The following CLIC4 variants were observed in gnomAD, a reference collection of about 807,000 sequenced individuals.
CLIC4 encodes chloride intracellular channel protein 4.
A neutral mutation model predicts 24.6 loss-of-function variants in CLIC4; 13 were observed. The ratio of observed to expected loss-of-function variants is 0.53; its 90% CI spans 0.34 to 0.84. CLIC4 has a LOEUF of 0.84. Among genes scored for constraint, CLIC4 ranks in the 40% least tolerant of loss-of-function variants. The probability of loss-of-function intolerance (pLI) is 0.01; values close to 1 mark genes in which losing one functional copy is unlikely to be tolerated. For synonymous variants in CLIC4, 104 were observed against 111.3 expected (o/e 0.93, Z 0.41); for missense variants, 227 against 301.7 (o/e 0.75, Z 1.83).
intron 3 of CLIC4, among the ~76,000 whole-genome samples, chr1:24,823,916 A>C (rs1282782262): frequency 1.3e-5 from 2 of 152,212 alleles, no homozygotes; most frequent in African/African-American, 4.8e-5. Flanking sequence ...CTAAAATGTT[A>C]AGAGTCTGTG....
At chr1:24,757,024 T>G (rs775946340) in intron 1 of CLIC4, among the ~76,000 whole-genome samples, 5 of 152,140 alleles carry the variant, frequency 3.3e-5, no homozygotes, top group African/African-American at 4.8e-5. Context: ...GCCTCCCAAG[T>G]AGCTGAGATT....
intron 1 of CLIC4, among the ~76,000 whole-genome samples, chr1:24,755,515 C>T (rs982970797): frequency 4.0e-5 from 6 of 150,196 alleles, no homozygotes; most frequent in East Asian, 3.9e-4. Context: ...AGGCTGAGGC[C>T]GGAGGATCAC....
intron 1 of CLIC4, among the ~76,000 whole-genome samples, chr1:24,780,267 GC>G (rs1384920585): frequency 2.0e-5 from 3 of 152,210 alleles, no homozygotes; most frequent in Admixed American, 2.0e-4. Context: ...TCACACTCAT[GC>G]TTAAGTAGAA....
intron 1 of CLIC4, among the ~76,000 whole-genome samples, chr1:24,768,219 C>T (rs1373034028): frequency 6.6e-6 from 1 of 152,102 alleles, no homozygotes; most frequent in African/African-American, 2.4e-5. Flanking sequence ...TCAAGTAATC[C>T]CCTTGTGGTG....
chr1:24,830,608 A>G (rs1639830596), intron 4 of CLIC4, among the ~76,000 whole-genome samples: 1 of 152,218 alleles, frequency 6.6e-6, no homozygotes, highest in South Asian at 2.1e-4. Flanking sequence ...TCCCACAAAC[A>G]TGAAAGTATT....
chr1:24,839,679 A>G (rs2124179293), intron 4 of CLIC4, among the ~76,000 whole-genome samples, 181 bp from the exon 5 acceptor site: 1 of 152,318 alleles, frequency 6.6e-6, no homozygotes, highest in Non-Finnish European at 1.5e-5. Flanking sequence ...AACTTGTTTC[A>G]TCCCCTGCCC....
intron 1 of CLIC4, among the ~76,000 whole-genome samples, chr1:24,747,257 C>T (rs990702131): frequency 1.3e-5 from 2 of 150,556 alleles, no homozygotes; most frequent in Non-Finnish European, 1.5e-5. Flanking sequence ...GGAAGGAGGC[C>T]GGGCGCGGTG....
In CLIC4 at chr1:24,838,762, TA is replaced by T. The variant is rs534118708; in HGVS notation, c.416-1097del. On this transcript the variant is annotated intron_variant, in intron 4 of 5. Transcript: ENST00000374379. Reference sequence around the variant, plus strand: ...TATTCCATATTTTTAATGACATTCCTACCCCCTTTCTGCTGAGGGCCACTAA... The same window carrying T: ...TATTCCATATTTTTAATGACATTCCTCCCCCTTTCTGCTGAGGGCCACTAA... Among the ~76,000 whole-genome samples the T allele has an allele frequency of 2.6e-5, 4 of 152,304 alleles. No individual in the cohort carries two copies. The East Asian group carries it at 7.7e-4, about 29-fold the overall frequency.
chr1:24,808,660 T>G (rs894899614), intron 2 of CLIC4, among the ~76,000 whole-genome samples: 6 of 145,596 alleles, frequency 4.1e-5, no homozygotes, highest in Non-Finnish European at 7.5e-5. Context: ...ATGGGAGATC[T>G]ATCTATCTAT....
intron 1 of CLIC4, among the ~76,000 whole-genome samples, chr1:24,766,473 G>GTTTTTTTTTTTTTT (rs71032855): frequency 1.6e-5 from 1 of 62,078 alleles, no homozygotes; most frequent in Non-Finnish European, 3.1e-5. Flanking sequence ...TGCCCAGACG[G>GTTTTTTTTTTTTTT]TTTTTTTTTT....
chr1:24,773,130 G>A (rs1557798826), intron 1 of CLIC4, among the ~76,000 whole-genome samples: 1 of 152,184 alleles, frequency 6.6e-6, no homozygotes, highest in Admixed American at 6.5e-5. Context: ...TACTTAAACT[G>A]TAATCTCTCT....
At chr1:24,761,659 C>A (rs1638929087) in intron 1 of CLIC4, among the ~76,000 whole-genome samples, 1 of 152,080 alleles carries the variant, frequency 6.6e-6, no homozygotes, top group Admixed American at 6.6e-5. Flanking sequence ...AGAGTTGCAT[C>A]TTAATATGAG....
intron 4 of CLIC4, among the ~76,000 whole-genome samples, chr1:24,836,426 C>T (rs906580510): frequency 6.6e-6 from 1 of 152,068 alleles, no homozygotes; most frequent in Non-Finnish European, 1.5e-5. Context: ...TTCAAATGCA[C>T]ATGGAACAAA....
At chr1:24,827,189 G>A in intron 4 of CLIC4, 73 bp downstream of exon 4, 2 of 883,822 alleles carry the variant, frequency 2.3e-6, no homozygotes, top group Non-Finnish European at 3.6e-6. Flanking sequence ...TTATGACAGT[G>A]ATTATAAATG....
intron 1 of CLIC4, among the ~76,000 whole-genome samples, chr1:24,771,040 T>C (rs1171372499): frequency 6.6e-6 from 1 of 152,182 alleles, no homozygotes; most frequent in Non-Finnish European, 1.5e-5. Context: ...CAATAATTAT[T>C]TCCAACTCTT....
intron 3 of CLIC4, among the ~76,000 whole-genome samples, chr1:24,816,393 C>T (rs1301243528): frequency 6.6e-6 from 1 of 151,992 alleles, no homozygotes; most frequent in Admixed American, 6.6e-5. Context: ...GTGCCTGCCG[C>T]CATGACCAGC....
At chr1:24,759,977 A>G (rs1455640392) in intron 1 of CLIC4, among the ~76,000 whole-genome samples, 1 of 152,104 alleles carries the variant, frequency 6.6e-6, no homozygotes, top group Non-Finnish European at 1.5e-5. Context: ...AAACCAAACC[A>G]AAACAAACTT....
intron 2 of CLIC4, among the ~76,000 whole-genome samples, chr1:24,799,333 G>C (rs537952418): frequency 3.6e-4 from 55 of 151,802 alleles, no homozygotes; most frequent in Non-Finnish European, 2.2e-4. Context: ...GCCTCTGCCC[G>C]GCCGCAACCC....
chr1:24,749,260 G>A (rs182417033), intron 1 of CLIC4, among the ~76,000 whole-genome samples: 1 of 152,048 alleles, frequency 6.6e-6, no homozygotes, highest in African/African-American at 2.4e-5. Flanking sequence ...AGAGGGTGCA[G>A]AGGCTGTGGT....
Sources: allele counts gnomAD v4.1 joint callset (sites outside exome capture counted in the v4.1 genomes callset), GRCh38; gene constraint gnomAD v4.1.1; transcripts MANE v1.5; gene names NCBI Gene and HGNC (gene_info 2026-07-23, HGNC 2026-07-21).